The following DGKB variants were observed in gnomAD, a reference collection of about 807,000 sequenced individuals.
DGKB encodes diacylglycerol kinase beta.
In DGKB, 67 loss-of-function variants were observed where a neutral mutation model predicts 114.3. That is an observed-to-expected ratio of 0.59 (90% confidence interval 0.48 to 0.72). The LOEUF (loss-of-function observed/expected upper bound fraction) is 0.72. DGKB is among the 30% of genes least tolerant of loss of function. The pLI is 0.00. For synonymous variants in DGKB, 398 were observed against 323.1 expected, an observed-to-expected ratio of 1.23 and a Z score of -2.49; for missense variants, 907 against 975.2, an observed-to-expected ratio of 0.93 and a Z score of 0.93.
intron 23 of DGKB, among the ~76,000 whole-genome samples, chr7:14,227,162 C>T (rs1790934949): frequency 6.6e-6 from 1 of 152,064 alleles, no homozygotes; most frequent in South Asian, 2.1e-4. Context: ...TGGTCCAAGC[C>T]TTGGTTCATT....
intron 1 of DGKB, among the ~76,000 whole-genome samples, chr7:14,860,922 G>T (rs1049568260): frequency 6.6e-6 from 1 of 151,870 alleles, no homozygotes; most frequent in Admixed American, 6.6e-5. Flanking sequence ...AGATTTTTCT[G>T]AGAATTAAAG....
At chr7:14,789,447 C>T (rs1840355545) in intron 2 of DGKB, among the ~76,000 whole-genome samples, 1 of 152,148 alleles carries the variant, frequency 6.6e-6, no homozygotes, top group Non-Finnish European at 1.5e-5. Flanking sequence ...TCACTGAATA[C>T]TATTCTGTGG....
intron 20 of DGKB, among the ~76,000 whole-genome samples, chr7:14,520,096 A>C (rs963439795): frequency 6.6e-6 from 1 of 151,676 alleles, no homozygotes; most frequent in Non-Finnish European, 1.5e-5. Context: ...CTTTCAATAT[A>C]ATGTCTAAAG....
intron 1 of DGKB, among the ~76,000 whole-genome samples, chr7:14,891,270 A>G (rs1781187146): frequency 6.6e-6 from 1 of 151,498 alleles, no homozygotes; most frequent in Non-Finnish European, 1.5e-5. Flanking sequence ...TTAATAACGT[A>G]GACAAAACGA....
At chr7:14,597,932 A>C (rs541406859) in intron 17 of DGKB, among the ~76,000 whole-genome samples, 5 of 152,262 alleles carry the variant, frequency 3.3e-5, no homozygotes, top group South Asian at 4.1e-4. Flanking sequence ...TTATGTGAGC[A>C]ATCAATTTAA....
At chr7:14,457,529 T>C (rs74499868) in intron 21 of DGKB, among the ~76,000 whole-genome samples, 1 of 152,234 alleles carries the variant, frequency 6.6e-6, no homozygotes, top group Admixed American at 6.5e-5. Context: ...TAAAAAAGAT[T>C]TTTTTAAAGA....
chr7:14,510,354 T>C (rs1787809852), intron 20 of DGKB, among the ~76,000 whole-genome samples: 1 of 152,190 alleles, frequency 6.6e-6, no homozygotes, highest in Non-Finnish European at 1.5e-5. Context: ...TTTGTTGGCA[T>C]TTCAACAATG....
intron 20 of DGKB, among the ~76,000 whole-genome samples, chr7:14,569,774 C>T (rs917023426): frequency 4.6e-5 from 7 of 151,634 alleles, no homozygotes; most frequent in Non-Finnish European, 8.8e-5. Flanking sequence ...TCCAATCTTG[C>T]ATAGTTATAT....
At chr7:14,320,197 A>G (rs571985574) in intron 23 of DGKB, among the ~76,000 whole-genome samples, 1 of 152,274 alleles carries the variant, frequency 6.6e-6, no homozygotes, top group South Asian at 2.1e-4. Context: ...ACAGACACTC[A>G]TGCAGCTTTC....
chr7:14,424,067 A>T (rs548348172), intron 21 of DGKB, among the ~76,000 whole-genome samples: 1 of 152,142 alleles, frequency 6.6e-6, no homozygotes, highest in Admixed American at 6.6e-5. Flanking sequence ...TAGGTTCCTA[A>T]CTGGTTTCAC....
At chr7:14,415,594 A>G (rs1192345117) in intron 21 of DGKB, among the ~76,000 whole-genome samples, 1 of 152,090 alleles carries the variant, frequency 6.6e-6, no homozygotes, top group East Asian at 1.9e-4. Flanking sequence ...TACAAAGGAC[A>G]TGAACTCATC....
chr7:14,462,380 C>G (rs921777714), intron 21 of DGKB, among the ~76,000 whole-genome samples: 3 of 152,140 alleles, frequency 2.0e-5, no homozygotes, highest in Non-Finnish European at 2.9e-5. Context: ...CCCAAATCTC[C>G]TTAAGCTGAT....
At chr7:14,209,323 T>C (rs1787362651) in intron 23 of DGKB, 2 of 295,190 alleles carry the variant, frequency 6.8e-6, no homozygotes, top group African/African-American at 2.3e-5. Context: ...TGAAATTCCT[T>C]TTCATAGAGA....
intron 2 of DGKB, among the ~76,000 whole-genome samples, chr7:14,780,519 A>T (rs1048291270): frequency 2.0e-5 from 3 of 152,198 alleles, no homozygotes; most frequent in Admixed American, 2.0e-4. Flanking sequence ...TGCCACTTGG[A>T]GAATGTTCCA....
chr7:14,523,005 A>C (rs1013363886), intron 20 of DGKB, among the ~76,000 whole-genome samples: 1 of 152,186 alleles, frequency 6.6e-6, no homozygotes, highest in African/African-American at 2.4e-5. Context: ...GTCCCATATT[A>C]TCTATGGCCT....
intron 20 of DGKB, among the ~76,000 whole-genome samples, chr7:14,500,621 T>C (rs1786015064): frequency 1.3e-5 from 2 of 151,768 alleles, no homozygotes; most frequent in South Asian, 2.1e-4. Flanking sequence ...AAATAAAAAG[T>C]AAATAATACC....
At chr7:14,711,996 A>T (rs1335899949) in intron 6 of DGKB, among the ~76,000 whole-genome samples, 1 of 152,200 alleles carries the variant, frequency 6.6e-6, no homozygotes, top group Non-Finnish European at 1.5e-5. Context: ...CTTTCAACAC[A>T]AGTAGTTTGG....
At chr7:14,473,214 G>A (rs550609329) in intron 21 of DGKB, among the ~76,000 whole-genome samples, 7 of 152,260 alleles carry the variant, frequency 4.6e-5, no homozygotes, top group African/African-American at 1.2e-4. Flanking sequence ...CCCATGCTGC[G>A]TGAAGCCAAG....
At chr7:14,586,682 T>C (rs1310279585) in intron 17 of DGKB, among the ~76,000 whole-genome samples, 1 of 152,094 alleles carries the variant, frequency 6.6e-6, no homozygotes, top group African/African-American at 2.4e-5. Context: ...CTGATGACTT[T>C]AAGTTGAAGC....
Sources: gnomAD v4.1 joint callset for allele counts (sites outside exome capture counted in the v4.1 genomes callset) on GRCh38, gnomAD v4.1.1 for gene constraint, MANE v1.5 for transcripts, NCBI Gene and HGNC (gene_info 2026-07-23, HGNC 2026-07-21) for gene names.